The following DMRT1 variants were observed in gnomAD, a reference collection of about 807,000 sequenced individuals.
DMRT1 encodes the protein doublesex- and mab-3-related transcription factor 1.
Under a neutral mutation model 32.3 loss-of-function variants are expected in DMRT1, and 7 were observed. The ratio of observed to expected loss-of-function variants is 0.22; its 90% CI spans 0.12 to 0.41. The LOEUF is 0.41. Ranked by LOEUF, DMRT1 falls within the 10% of genes least tolerant of loss-of-function variation. The probability of loss-of-function intolerance (pLI) is 1.00; values close to 1 mark genes in which losing one functional copy is unlikely to be tolerated. For missense variants in DMRT1, 625 were observed against 500.5 expected, an observed-to-expected ratio of 1.25 and a Z score of -2.37; for synonymous variants, 278 against 206.1, an observed-to-expected ratio of 1.35 and a Z score of -2.99.
chr9:932,997 C>T (rs1261310367), intron 4 of DMRT1, among the ~76,000 whole-genome samples: 1 of 152,022 alleles, frequency 6.6e-6, no homozygotes, highest in African/African-American at 2.4e-5. Context: ...ACTGCAACCT[C>T]CGTCTCCCGG....
intron 3 of DMRT1, among the ~76,000 whole-genome samples, chr9:899,054 G>T (rs188724538): frequency 6.6e-6 from 1 of 151,656 alleles, no homozygotes; most frequent in East Asian, 1.9e-4. Flanking sequence ...TTTTCAGATG[G>T]TTCACTAGTC....
At chr9:915,796 G>A (rs1057045476) in intron 3 of DMRT1, among the ~76,000 whole-genome samples, 3 of 150,876 alleles carry the variant, frequency 2.0e-5, no homozygotes, top group African/African-American at 7.4e-5. Context: ...GCAGTGGCGC[G>A]ATCTCGGCTC....
intron 2 of DMRT1, among the ~76,000 whole-genome samples, chr9:878,207 CCCCA>C (rs1816589023): frequency 5.6e-5 from 7 of 125,930 alleles, no homozygotes; most frequent in African/African-American, 9.0e-5. Context: ...GCTGCCCCCC[CCCCA>C]CCCAATAAAA....
intron 3 of DMRT1, 104 bp from the exon 4 acceptor site, chr9:916,659 A>C: frequency 7.0e-7 from 1 of 1,422,526 alleles, no homozygotes; most frequent in South Asian, 1.2e-5. Context: ...GGCATGAGCC[A>C]CTGTGCCCAG....
In DMRT1 at chr9:863,680, C is replaced by G. The variant is rs1044686099; in HGVS notation, c.538+16537C>G. 3.3e-5 allele frequency among the ~76,000 whole-genome samples: 5 copies of G among 152,270 alleles called. No individual in the cohort carries two copies. The South Asian group carries it at 1.0e-3, about 32-fold the overall frequency. ...CAGAGACTGGCGTCAGATTTCGGACCCACAGAACTCTAAGATAGTCAATTT... is the reference window on the plus strand; with the variant it reads ...CAGAGACTGGCGTCAGATTTCGGACGCACAGAACTCTAAGATAGTCAATTT... On this transcript the variant is annotated intron_variant, in intron 2 of 4. Transcript: ENST00000382276.
chr9:934,300 A>G (rs1050094846), intron 4 of DMRT1, among the ~76,000 whole-genome samples: 2 of 152,140 alleles, frequency 1.3e-5, no homozygotes, highest in African/African-American at 2.4e-5. Flanking sequence ...TGATGCACAC[A>G]TATTTTTAAT....
chr9:872,992 C>T (rs578117033), intron 2 of DMRT1, among the ~76,000 whole-genome samples: 12 of 152,354 alleles, frequency 7.9e-5, no homozygotes, highest in African/African-American at 2.9e-4. Flanking sequence ...CATGGATTCA[C>T]ATGCCAGTGT....
At chr9:870,709 C>T (rs372871233) in intron 2 of DMRT1, among the ~76,000 whole-genome samples, 33 of 69,542 alleles carry the variant, frequency 4.7e-4, no homozygotes, top group African/African-American at 7.2e-4. Flanking sequence ...ATTTTCTTGA[C>T]TTTTTTTTTT....
intron 2 of DMRT1, among the ~76,000 whole-genome samples, chr9:892,678 C>G (rs185331795): frequency 7.4e-4 from 112 of 152,078 alleles, no homozygotes; most frequent in African/African-American, 2.3e-3. Context: ...TTAGATAAAT[C>G]TCCTCCAAGC....
intron 3 of DMRT1, chr9:894,832 GAGACAGA>G (rs1397299244): frequency 6.5e-6 from 1 of 152,982 alleles, no homozygotes; most frequent in Non-Finnish European, 1.4e-5. Flanking sequence ...TTTGGTTTTT[GAGACAGA>G]GTCTCGCTCT....
At chr9:911,111 C>T (rs117146762) in intron 3 of DMRT1, among the ~76,000 whole-genome samples, 65 of 152,252 alleles carry the variant, frequency 4.3e-4, no homozygotes, top group South Asian at 1.7e-3. Flanking sequence ...CTCACCTTGG[C>T]GCTGTTCAGG....
chr9:915,449 A>C (rs1818141672), intron 3 of DMRT1, among the ~76,000 whole-genome samples: 1 of 152,068 alleles, frequency 6.6e-6, no homozygotes, highest in South Asian at 2.1e-4. Flanking sequence ...TCCTAAAGGC[A>C]GGGTCTGGTT....
chr9:922,840 A>T, intron 4 of DMRT1, among the ~76,000 whole-genome samples: 1 of 152,110 alleles, frequency 6.6e-6, no homozygotes, highest in East Asian at 1.9e-4. Context: ...TAACACACAG[A>T]GGTTGTCAGC....
intron 4 of DMRT1, among the ~76,000 whole-genome samples, chr9:956,775 T>TAA (rs1451098378): frequency 1.3e-5 from 2 of 152,154 alleles, no homozygotes; most frequent in African/African-American, 2.4e-5. Flanking sequence ...CAGCCTTTCT[T>TAA]TCCTTAAGTT....
At chr9:853,333 CT>C (rs1413103948) in intron 2 of DMRT1, among the ~76,000 whole-genome samples, 1 of 152,106 alleles carries the variant, frequency 6.6e-6, no homozygotes, top group East Asian at 1.9e-4. Context: ...TGTGTAATAG[CT>C]TGTGTCCATT....
At chr9:913,598 T>C (rs1003988440) in intron 3 of DMRT1, among the ~76,000 whole-genome samples, 4 of 97,056 alleles carry the variant, frequency 4.1e-5, no homozygotes, top group African/African-American at 2.2e-4. Context: ...CAACTGGTAA[T>C]TTTTTTTTTT....
chr9:886,380 T>G (rs892997176), intron 2 of DMRT1, among the ~76,000 whole-genome samples: 14 of 152,280 alleles, frequency 9.2e-5, no homozygotes, highest in African/African-American at 3.4e-4. Context: ...CTCAGCCTTC[T>G]GAGTAGCTGG....
At chr9:850,975 G>C (rs972863004) in intron 2 of DMRT1, among the ~76,000 whole-genome samples, 2 of 149,442 alleles carry the variant, frequency 1.3e-5, no homozygotes, top group African/African-American at 4.9e-5. Context: ...GTTGCAGTGA[G>C]CTGAGATTGT....
intron 2 of DMRT1, among the ~76,000 whole-genome samples, chr9:881,354 G>C (rs890242543): frequency 6.6e-6 from 1 of 152,150 alleles, no homozygotes; most frequent in African/African-American, 2.4e-5. Context: ...GGTATAATTC[G>C]GTTTCTTAAT....
Sources: allele counts gnomAD v4.1 joint callset (sites outside exome capture counted in the v4.1 genomes callset), GRCh38; gene constraint gnomAD v4.1.1; transcripts MANE v1.5; gene names NCBI Gene and HGNC (gene_info 2026-07-23, HGNC 2026-07-21).